The following PLPPR1 variants were observed in gnomAD, a reference collection of about 807,000 sequenced individuals.
The protein encoded by PLPPR1 is phospholipid phosphatase-related protein type 1.
In PLPPR1, 10 loss-of-function variants were observed where a neutral mutation model predicts 33.1. That is an observed-to-expected ratio of 0.30 (90% CI 0.19 to 0.51). The LOEUF (loss-of-function observed/expected upper bound fraction) is 0.51, where lower values mean the gene tolerates loss of function less well. Among genes scored for constraint, PLPPR1 ranks in the 20% least tolerant of loss-of-function variants. The pLI, the probability that PLPPR1 is intolerant of heterozygous loss-of-function variation, is 0.97. For missense variants in PLPPR1, 304 were observed against 408.1 expected, an observed-to-expected ratio of 0.74 and a Z score of 2.20; for synonymous variants, 151 against 151.0, an observed-to-expected ratio of 1.00 and a Z score of 0.00.
At position 101,028,988 on chromosome 9, in the gene PLPPR1, A is replaced by G; in HGVS notation, c.-160A>G. On this transcript the variant is annotated 5_prime_UTR_variant, in exon 1 of 8. Coordinates refer to ENST00000374874, the MANE Select transcript of PLPPR1 (RefSeq NM_207299.2). ...CGCTCGCCGGCTTGCTCTCCCACGC[A>G]AGCGGAATGCAGCAGCGCCTGGAGA... The G allele has an allele frequency of 6.5e-6, 1 of 153,590 alleles. No homozygotes were observed. Among genetic ancestry groups the G allele is most frequent in the Non-Finnish European group, 1.5e-5 (1 of 68,902 alleles). The allele number at this position is 153,590 out of a possible 1,614,324, so 9.5% of individuals were successfully genotyped here.
chr9:101,224,458 G>A (rs1046499152), intron 2 of PLPPR1, among the ~76,000 whole-genome samples: 9 of 152,106 alleles, frequency 5.9e-5, no homozygotes, highest in Admixed American at 2.0e-4. Flanking sequence ...CTGTCATTGA[G>A]TCTTTCACAG....
At chr9:101,197,764 A>G (rs1439920608) in intron 2 of PLPPR1, among the ~76,000 whole-genome samples, 1 of 152,260 alleles carries the variant, frequency 6.6e-6, no homozygotes, top group Non-Finnish European at 1.5e-5. Flanking sequence ...TAAAGACTGC[A>G]TTAAATTATT....
intron 1 of PLPPR1, among the ~76,000 whole-genome samples, chr9:101,164,599 C>T (rs1293454445): frequency 6.6e-6 from 1 of 151,956 alleles, no homozygotes; most frequent in Non-Finnish European, 1.5e-5. Flanking sequence ...AACTCCTGGC[C>T]TCAAGTGATC....
chr9:101,231,661 C>G (rs1827189450), intron 2 of PLPPR1, among the ~76,000 whole-genome samples: 1 of 152,036 alleles, frequency 6.6e-6, no homozygotes, highest in Non-Finnish European at 1.5e-5. Context: ...GTTTACTACC[C>G]AGGGAATTCT....
rs117760917 is a variant in PLPPR1, at chr9:101,130,676, T to C, written c.-45-54774T>C. 6.0e-4 allele frequency among the ~76,000 whole-genome samples: 91 copies of C among 152,278 alleles called. No homozygotes were observed. The East Asian group carries it at 6.0e-3, about 10-fold the overall frequency. ...AGAATGAGCAGACTATGGCTCAAAA[T>C]ATAGATAATACAAAATCACTTCTGG... On this transcript the variant is annotated intron_variant, in intron 1 of 7. Transcript: ENST00000374874.
chr9:101,122,668 A>G (rs1463740505), intron 1 of PLPPR1, among the ~76,000 whole-genome samples: 1 of 152,222 alleles, frequency 6.6e-6, no homozygotes, highest in African/African-American at 2.4e-5. Flanking sequence ...ATCAGAATCA[A>G]TGGAGCCACT....
At chr9:101,070,105 C>G (rs182242317) in intron 1 of PLPPR1, among the ~76,000 whole-genome samples, 188 of 152,142 alleles carry the variant, frequency 1.2e-3, no homozygotes, top group African/African-American at 4.2e-3. Flanking sequence ...GTCCCTACCC[C>G]CTTCCGTACT....
intron 1 of PLPPR1, among the ~76,000 whole-genome samples, chr9:101,163,173 T>G (rs1462765732): frequency 6.6e-6 from 1 of 152,224 alleles, no homozygotes; most frequent in African/African-American, 2.4e-5. Context: ...TAATGTTCTC[T>G]AAAAGCAGTC....
At chr9:101,057,618 A>G (rs967300790) in intron 1 of PLPPR1, among the ~76,000 whole-genome samples, 3 of 152,164 alleles carry the variant, frequency 2.0e-5, no homozygotes, top group Admixed American at 6.6e-5. Context: ...TGTTTTATAT[A>G]TTTATACTAA....
At chr9:101,294,838 C>T (rs1461314018) in intron 4 of PLPPR1, among the ~76,000 whole-genome samples, 1 of 152,088 alleles carries the variant, frequency 6.6e-6, no homozygotes, top group East Asian at 1.9e-4. Context: ...AACCCACAGC[C>T]AATATCATAC....
chr9:101,216,981 A>C (rs1247470665), intron 2 of PLPPR1, among the ~76,000 whole-genome samples: 1 of 152,226 alleles, frequency 6.6e-6, no homozygotes, highest in East Asian at 1.9e-4. Context: ...AAATTCATGT[A>C]TGGTAAGGTA....
At chr9:101,060,574 G>A (rs1360262) in intron 1 of PLPPR1, among the ~76,000 whole-genome samples, 103,845 of 151,670 alleles carry the variant, frequency 0.68, 35,920 homozygotes, top group East Asian at 0.88. Context: ...CACCATACAT[G>A]AATATGTATA....
intron 1 of PLPPR1, among the ~76,000 whole-genome samples, chr9:101,147,831 T>A (rs1831538415): frequency 6.6e-6 from 1 of 152,228 alleles, no homozygotes; most frequent in Admixed American, 6.5e-5. Context: ...TGAAGTTAAG[T>A]CACTTGCCTA....
chr9:101,203,900 A>G (rs1826541573), intron 2 of PLPPR1, among the ~76,000 whole-genome samples: 6 of 151,974 alleles, frequency 3.9e-5, no homozygotes, highest in South Asian at 4.1e-4. Context: ...TGTGTTTTCC[A>G]TGTAGGATCA....
rs1827570146 is a variant in PLPPR1 at position 101,245,372 on chromosome 9, A to G, written c.64-24508A>G. 2.6e-5 allele frequency among the ~76,000 whole-genome samples: 4 copies of G among 152,008 alleles called. No homozygotes were observed. The South Asian group carries it at 8.3e-4, about 31-fold the overall frequency. On this transcript the variant is annotated intron_variant, in intron 2 of 7. Coordinates refer to ENST00000374874, the MANE Select transcript of PLPPR1 (RefSeq NM_207299.2). ...TGATATACCATTTTTATTTAAATAT[A>G]TAATTTAGGTAAACATACAATGTTC...
rs151234024 is a variant in PLPPR1 at position 101,231,599 on chromosome 9, G to A, written c.64-38281G>A. Among the ~76,000 whole-genome samples, 1,249 of 151,896 alleles carry A rather than the reference G, an allele frequency of 8.2e-3. 18 individuals are homozygous for A. The highest frequency in any genetic ancestry group is 0.029 in the African/African-American group (1,206 of 41,460). Reference sequence around the variant, plus strand: ...ACAAATCTGATGACCTTTTTCTTTCGAATTTGTTTAATGGCTTTGAAAATG... The same window carrying A: ...ACAAATCTGATGACCTTTTTCTTTCAAATTTGTTTAATGGCTTTGAAAATG... On this transcript the variant is annotated intron_variant, in intron 2 of 7. Coordinates refer to ENST00000374874, the MANE Select transcript of PLPPR1 (RefSeq NM_207299.2).
chr9:101,107,655 C>T (rs1363842301), intron 1 of PLPPR1, among the ~76,000 whole-genome samples: 5 of 86,446 alleles, frequency 5.8e-5, no homozygotes, highest in Admixed American at 3.7e-4. Context: ...GGCAGGCCTC[C>T]TTGAGCTGTG....
intron 3 of PLPPR1, among the ~76,000 whole-genome samples, chr9:101,274,254 C>T (rs1488536212): frequency 6.6e-6 from 1 of 152,218 alleles, no homozygotes; most frequent in Non-Finnish European, 1.5e-5. Context: ...TACTTATATT[C>T]TGCAGACATG....
At position 101,111,465 on chromosome 9, in the gene PLPPR1, C is replaced by G. The variant is rs577511878; in HGVS notation, c.-45-73985C>G. Among the ~76,000 whole-genome samples, 53 of 152,124 alleles carry G rather than the reference C, an allele frequency of 3.5e-4. 1 individual carries two copies. Among genetic ancestry groups the G allele is most frequent in the Middle Eastern group, 3.4e-3 (1 of 294 alleles). ...GACCTTTTCTATTTAGCAGTCAATT[C>G]CTTTAATAAAAATATTTTGGAGATT... On this transcript the variant is annotated intron_variant, in intron 1 of 7. Coordinates refer to ENST00000374874, the MANE Select transcript of PLPPR1 (RefSeq NM_207299.2).
Sources: allele counts gnomAD v4.1 joint callset (sites outside exome capture counted in the v4.1 genomes callset), GRCh38; gene constraint gnomAD v4.1.1; transcripts MANE v1.5; gene names NCBI Gene and HGNC (gene_info 2026-07-23, HGNC 2026-07-21).